The following NUP98 variants were observed in gnomAD, a reference collection of about 807,000 sequenced individuals.
The protein encoded by NUP98 is nuclear pore complex protein Nup98-Nup96.
NUP98 carries 26 observed loss-of-function variants against 191.9 expected under a neutral mutation model. The observed-to-expected ratio is 0.14, with a 90% CI of 0.10 to 0.19. NUP98 has a LOEUF of 0.19. Ranked by LOEUF, NUP98 falls within the 10% of genes least tolerant of loss-of-function variation. NUP98 has a pLI of 1.00. For synonymous variants in NUP98, 808 were observed against 778.4 expected, an observed-to-expected ratio of 1.04 and a Z score of -0.63; for missense variants, 1,941 against 2,178.8, an observed-to-expected ratio of 0.89 and a Z score of 2.17.
chr11:3,722,569 G>GT (rs1216980438), intron 16 of NUP98, among the ~76,000 whole-genome samples: 2 of 152,160 alleles, frequency 1.3e-5, no homozygotes, highest in Admixed American at 1.3e-4. Flanking sequence ...GCTCATGCCT[G>GT]TAATCCTAGC....
chr11:3,723,404 A>T lies in NUP98; in HGVS notation c.1899T>A (p.Asp633Glu), dbSNP rs1175252105. 29 of 1,614,058 alleles carry T rather than the reference A, an allele frequency of 1.8e-5. No individual in the cohort carries two copies. The highest frequency in any genetic ancestry group is 1.9e-5 in the Non-Finnish European group (22 of 1,180,028). Residue 633 changes from aspartate (D) to glutamate (E), a missense_variant, in exon 16 of 33, where the codon GAT becomes GAA. Around this residue, in one of 6 missense-constraint regions of NUP98, gnomAD observed 453 missense variants for 438.2 expected, o/e 1.03. Transcript: ENST00000324932. ...PVDENHQQDGDEDSLVSHFYT... is the reference protein window; with the variant it reads ...PVDENHQQDGEEDSLVSHFYT... ...AAAAATGTGAAACAAGGGAATCTTC[A>T]TCTCCATCCTGCTGGTGATTCTCAT...
At chr11:3,680,712 A>AT (rs1042421703) in intron 30 of NUP98, among the ~76,000 whole-genome samples, 8 of 151,758 alleles carry the variant, frequency 5.3e-5, no homozygotes, top group African/African-American at 1.9e-4. Context: ...GGCCCGACTA[A>AT]TTTTTTTGTA....
intron 11 of NUP98, among the ~76,000 whole-genome samples, chr11:3,746,141 A>G (rs675403): frequency 0.32 from 48,120 of 151,430 alleles, 8,214 homozygotes; most frequent in African/African-American, 0.43. Context: ...GTGGTGGCAC[A>G]TGCCTGTAAC....
At chr11:3,786,206 T>A (rs777735110) in intron 1 of NUP98, among the ~76,000 whole-genome samples, 1 of 152,196 alleles carries the variant, frequency 6.6e-6, no homozygotes, top group Non-Finnish European at 1.5e-5. Flanking sequence ...AGAAAGAACA[T>A]TGCCAATTAA....
chr11:3,699,256 A>G lies in NUP98; in HGVS notation c.3835T>C (p.Tyr1279His), dbSNP rs527476688. The change falls in exon 25 of 33, where the codon TAC becomes CAC. Residue 1279 changes from tyrosine to histidine, a missense_variant. Around this residue, in one of 6 missense-constraint regions of NUP98, gnomAD observed 1,030 missense variants for 1,115.8 expected, o/e 0.92. Coordinates refer to ENST00000324932, the MANE Select transcript of NUP98 (RefSeq NM_016320.5). ...CTTCTTCGCTCCAGAATTTGAATGT[A>G]TTCACGGGGTTCATTTAGCTGGCTG... ...LDSQLNEPRE[Y>H]IQILERRRAF... 1 of 1,614,184 alleles carries G rather than the reference A, an allele frequency of 6.2e-7. No homozygotes were observed. Among genetic ancestry groups the G allele is most frequent in the Non-Finnish European group, 8.5e-7 (1 of 1,180,038 alleles).
intron 29 of NUP98, among the ~76,000 whole-genome samples, chr11:3,684,036 C>T (rs1161138547): frequency 2.0e-5 from 3 of 149,960 alleles, no homozygotes; most frequent in Non-Finnish European, 4.4e-5. Flanking sequence ...GGTGAAACCC[C>T]GTCTCTGCAA....
intron 12 of NUP98, among the ~76,000 whole-genome samples, chr11:3,736,464 T>C (rs1185506689): frequency 1.3e-5 from 2 of 152,112 alleles, no homozygotes; most frequent in African/African-American, 2.4e-5. Context: ...GAGACCAACC[T>C]GGCCAATACA....
Position 3,686,074 on chromosome 11 carries a change from C to A in NUP98, c.4575G>T (p.Ala1525=), listed in dbSNP as rs1375747503. ...LRALNYTHLS[A]QCEGVLQASY... is the part of the protein sequence containing the mutation. Reference sequence around the variant, plus strand: ...TGGCCTGTAGCACACCTTCACACTGCGCTGAGAGATGGGTGTAGTTAAGAG... The same window carrying A: ...TGGCCTGTAGCACACCTTCACACTGAGCTGAGAGATGGGTGTAGTTAAGAG... Residue 1525 remains alanine (A), a synonymous_variant, in exon 29 of 33, where the codon GCG becomes GCT. Coordinates refer to ENST00000324932, the MANE Select transcript of NUP98 (RefSeq NM_016320.5). The A allele has an allele frequency of 6.2e-7, 1 of 1,614,188 alleles. No individual in the cohort carries two copies. The highest frequency in any genetic ancestry group is 1.1e-5 in the South Asian group (1 of 91,078).
chr11:3,725,074 A>G lies in NUP98; in HGVS notation c.1847+29T>C, dbSNP rs963020288. 17 of 997,678 alleles carry G rather than the reference A, an allele frequency of 1.7e-5. No homozygotes were observed. In the African/African-American group the frequency reaches 2.1e-4, roughly 12 times the overall value. The allele number at this position is 997,678 out of a possible 1,614,324, so 61.8% of individuals were successfully genotyped here. On this transcript the variant is annotated intron_variant, in intron 15 of 32. Coordinates refer to ENST00000324932, the MANE Select transcript of NUP98 (RefSeq NM_016320.5). ...AAAATGAGACTATAACTCTCTACTAAGAAGAACTCAAAACAGAATTCAGTG... is the reference window on the plus strand; with the variant it reads ...AAAATGAGACTATAACTCTCTACTAGGAAGAACTCAAAACAGAATTCAGTG...
At chr11:3,791,314 C>T (rs1465386053) in intron 1 of NUP98, among the ~76,000 whole-genome samples, 1 of 151,728 alleles carries the variant, frequency 6.6e-6, no homozygotes, top group Non-Finnish European at 1.5e-5. Flanking sequence ...AGGTGGATCA[C>T]TTGAAGTCAG....
Position 3,725,997 on chromosome 11 carries a change from G to C in NUP98, c.1731-778C>G, listed in dbSNP as rs144380260. Reference sequence around the variant, plus strand: ...CACCATGCCTGGCCACTGTTTTGTTGAAACAAGGTTTCGCCAGGTTGCCCA... The same window carrying C: ...CACCATGCCTGGCCACTGTTTTGTTCAAACAAGGTTTCGCCAGGTTGCCCA... On this transcript the variant is annotated intron_variant, in intron 14 of 32. Coordinates refer to ENST00000324932, the MANE Select transcript of NUP98 (RefSeq NM_016320.5). Among the ~76,000 whole-genome samples, 449 of 152,184 alleles carry C rather than the reference G, an allele frequency of 3.0e-3. 1 individual carries two copies. Among genetic ancestry groups the C allele is most frequent in the African/African-American group, 9.9e-3 (413 of 41,528 alleles).
intron 6 of NUP98, 35 bp from the exon 7 acceptor site, chr11:3,771,963 A>G (rs189689492): frequency 3.3e-5 from 52 of 1,566,128 alleles, no homozygotes; most frequent in Non-Finnish European, 4.1e-5. Flanking sequence ...TAATCTTAAC[A>G]TGCAGCTAAA....
At chr11:3,684,872 G>A (rs1405369145) in intron 29 of NUP98, among the ~76,000 whole-genome samples, 1 of 149,122 alleles carries the variant, frequency 6.7e-6, no homozygotes. Flanking sequence ...GTCAAAGTGA[G>A]TACGTGGTAG....
Position 3,683,244 on chromosome 11 carries a change from T to C in NUP98, c.4874A>G (p.His1625Arg), listed in dbSNP as rs2078030510. The C allele has an allele frequency of 3.1e-6, 5 of 1,614,190 alleles. No homozygotes were observed. The highest frequency in any genetic ancestry group is 2.2e-5 in the East Asian group (1 of 44,882). The change falls in exon 30 of 33, where the codon CAC (histidine) becomes CGC (arginine). Residue 1625 changes from histidine (H) to arginine (R), a missense_variant. This residue lies in a region of NUP98 where 1,030 missense variants were observed against 1,115.8 expected (regional missense o/e 0.92). Coordinates refer to ENST00000324932, the MANE Select transcript of NUP98 (RefSeq NM_016320.5). ...LEALCLFKAE[H>R]WNRCHKLIIR... is the part of the protein sequence containing the mutation. The stretch of plus-strand genomic sequence containing the variant: ...GATGAGCTTGTGGCAGCGGTTCCAG[T>C]GCTCAGCCTTAAATAAGCAAAGGGC...
chr11:3,688,663 C>G (rs12226275), intron 28 of NUP98, among the ~76,000 whole-genome samples: 1 of 149,180 alleles, frequency 6.7e-6, no homozygotes, highest in Non-Finnish European at 1.5e-5. Context: ...GGCTTTGTGG[C>G]GCATGCCTGT....
At chr11:3,677,371 C>CAGAACAAG (rs1444426809) in intron 31 of NUP98, among the ~76,000 whole-genome samples, 6 of 149,286 alleles carry the variant, frequency 4.0e-5, no homozygotes, top group Admixed American at 2.0e-4. Context: ...GGAGAAGAAG[C>CAGAACAAG]AGAACAAGAT....
chr11:3,755,020 C>T (rs1275810659), intron 10 of NUP98, among the ~76,000 whole-genome samples: 2 of 146,102 alleles, frequency 1.4e-5, no homozygotes, highest in African/African-American at 5.0e-5. Flanking sequence ...CTTTTCTTTT[C>T]TTCATCTATG....
intron 9 of NUP98, among the ~76,000 whole-genome samples, chr11:3,761,437 C>G (rs547138372): frequency 1.3e-5 from 2 of 151,964 alleles, no homozygotes; most frequent in Admixed American, 6.6e-5. Context: ...GCCTAGCCAA[C>G]GTGGCAAAAT....
At chr11:3,764,829 C>T (rs1402263415) in intron 8 of NUP98, among the ~76,000 whole-genome samples, 2 of 152,212 alleles carry the variant, frequency 1.3e-5, no homozygotes, top group East Asian at 1.9e-4. Context: ...CTGCCTGCCT[C>T]GGCTTCCCAA....
Sources: allele counts gnomAD v4.1 joint callset (sites outside exome capture counted in the v4.1 genomes callset), GRCh38; gene constraint gnomAD v4.1.1; regional missense constraint gnomAD v4.1.1; transcripts MANE v1.5; gene names NCBI Gene and HGNC (gene_info 2026-07-23, HGNC 2026-07-21).